DNAH17: variants seen among roughly 807,000 people sequenced by gnomAD.
DNAH17 encodes dynein axonemal heavy chain 17.
A neutral mutation model predicts 485.6 loss-of-function variants in DNAH17; 376 were observed. The observed-to-expected ratio is 0.77, with a 90% confidence interval of 0.71 to 0.84. The LOEUF (loss-of-function observed/expected upper bound fraction) is 0.84, where lower values mean the gene tolerates loss of function less well. Ranked by LOEUF, DNAH17 falls within the 40% of genes least tolerant of loss-of-function variation. The probability of loss-of-function intolerance (pLI) is 0.00; values close to 1 mark genes in which losing one functional copy is unlikely to be tolerated. For synonymous variants in DNAH17, 3,031 were observed against 2,405.9 expected, an observed-to-expected ratio of 1.26 and a Z score of -7.60; for missense variants, 6,370 against 5,839.3, an observed-to-expected ratio of 1.09 and a Z score of -2.96.
At chr17:78,485,056 T>G (rs770609667) in intron 47 of DNAH17, 23 bp from the exon 48 acceptor site, 3 of 1,576,042 alleles carry the variant, frequency 1.9e-6, no homozygotes, top group Non-Finnish European at 2.6e-6. Flanking sequence ...GAGGGTCAGC[T>G]GCCCGCCTGC....
Position 78,525,077 on chromosome 17 carries a change from A to G in DNAH17, c.3796T>C (p.Tyr1266His), listed in dbSNP as rs756507301. The change falls in exon 25 of 81, where the codon TAC becomes CAC. Residue 1266 changes from tyrosine to histidine, a missense_variant. Tyr to His is a moderately conservative substitution (Grantham distance 83). Coordinates refer to ENST00000389840, the MANE Select transcript of DNAH17 (RefSeq NM_173628.4). ...GGLFEVPVPDYKQLKACHREV... is the reference protein window; with the variant it reads ...GGLFEVPVPDHKQLKACHREV... ...CGGTGGCAGGCCTTGAGCTGCTTGT[A>G]GTCTGGGACGGGGACCTCGAACAGG... is the stretch of plus-strand genomic sequence containing the variant. 6.2e-7 allele frequency: 1 copy of G among 1,613,876 alleles called. No homozygotes were observed. Among genetic ancestry groups the G allele is most frequent in the Non-Finnish European group, 8.5e-7 (1 of 1,179,880 alleles).
intron 37 of DNAH17, chr17:78,496,784 G>A (rs2090090296): frequency 6.7e-6 from 1 of 148,776 alleles, no homozygotes; most frequent in African/African-American, 2.5e-5. Context: ...CCATTCTCCT[G>A]CCTCAGCCTC....
intron 44 of DNAH17, among the ~76,000 whole-genome samples, chr17:78,487,435 T>C (rs2089660778): frequency 6.6e-6 from 1 of 152,168 alleles, no homozygotes; most frequent in South Asian, 2.1e-4. Context: ...AGCACGTGCA[T>C]CATTTCCAGG....
chr17:78,559,167 A>G (rs1204610944), intron 13 of DNAH17, among the ~76,000 whole-genome samples: 1 of 152,208 alleles, frequency 6.6e-6, no homozygotes. Context: ...TGAGATGTCC[A>G]GTGTTGTGGC....
At chr17:78,571,861 T>C (rs1207870211) in intron 3 of DNAH17, 79 bp from the exon 4 acceptor site, 1 of 1,383,018 alleles carries the variant, frequency 7.2e-7, no homozygotes, top group African/African-American at 1.4e-5. Context: ...TGAATCCTTC[T>C]GCCCACCAAT....
intron 76 of DNAH17, 101 bp downstream of exon 76, chr17:78,429,020 G>A (rs989272673): frequency 1.9e-5 from 26 of 1,343,198 alleles, no homozygotes; most frequent in East Asian, 7.0e-5. Flanking sequence ...GGCTGCCTGG[G>A]TTCTTGCTCA....
At chr17:78,426,326 G>A (rs564232451) in intron 79 of DNAH17, 131 bp downstream of exon 79, 2 of 1,172,030 alleles carry the variant, frequency 1.7e-6, no homozygotes, top group East Asian at 2.8e-5. Context: ...TTCTGGCCCT[G>A]ATCTGACAGA....
chr17:78,435,030 C>T (rs1315551995), intron 74 of DNAH17, among the ~76,000 whole-genome samples: 1 of 152,214 alleles, frequency 6.6e-6, no homozygotes, highest in South Asian at 2.1e-4. Flanking sequence ...GCACAGGCCC[C>T]TCTGGCAACA....
chr17:78,535,113 C>T (rs2091340939), intron 19 of DNAH17, among the ~76,000 whole-genome samples: 1 of 152,166 alleles, frequency 6.6e-6, no homozygotes, highest in Non-Finnish European at 1.5e-5. Context: ...AGGGTGTCTG[C>T]AAGGCAGCCT....
At chr17:78,524,907 C>T in intron 25 of DNAH17, 102 bp downstream of exon 25, 2 of 1,477,072 alleles carry the variant, frequency 1.4e-6, no homozygotes, top group Non-Finnish European at 1.8e-6. Flanking sequence ...CTTCTTGTCA[C>T]ATTCTTACAA....
chr17:78,496,666 C>CTTTTTTTTTTT (rs539881163), intron 37 of DNAH17: 1 of 98,172 alleles, frequency 1.0e-5, no homozygotes. Context: ...CCCAGATGGA[C>CTTTTTTTTTTT]TTTTTTTTTT....
At chr17:78,466,628 C>A in intron 56 of DNAH17, 27 bp downstream of exon 56, 1 of 1,587,584 alleles carries the variant, frequency 6.3e-7, no homozygotes, top group South Asian at 1.1e-5. Flanking sequence ...GCTCTACACT[C>A]AGGCAGAGGT....
intron 72 of DNAH17, among the ~76,000 whole-genome samples, chr17:78,440,117 T>C (rs1431481424): frequency 6.6e-6 from 1 of 152,008 alleles, no homozygotes; most frequent in Non-Finnish European, 1.5e-5. Context: ...AAATTATCTG[T>C]AGAGACAAGC....
chr17:78,489,897 C>G (rs2089775755), intron 44 of DNAH17: 1 of 151,966 alleles, frequency 6.6e-6, no homozygotes, highest in Admixed American at 6.5e-5. Context: ...TGACCTCCAG[C>G]CAAGACGCTC....
chr17:78,429,096 C>T, intron 76 of DNAH17, 25 bp downstream of exon 76: 2 of 1,606,392 alleles, frequency 1.2e-6, no homozygotes, highest in Non-Finnish European at 1.7e-6. Flanking sequence ...TTACGTTGAG[C>T]TCCTGTTTAA....
In DNAH17 at chr17:78,474,986, C is replaced by CTCTTCACCTCA. The variant is rs1334129401; in HGVS notation, c.8511+291_8511+292insTGAGGTGAAGA. Among the ~76,000 whole-genome samples the CTCTTCACCTCA allele has an allele frequency of 2.3e-3, 328 of 143,010 alleles. 49 individuals are homozygous for CTCTTCACCTCA. The highest frequency in any genetic ancestry group is 6.9e-3 in the Middle Eastern group (2 of 290). The allele number at this position is 143,010 out of a possible 152,430, so 93.8% of individuals were successfully genotyped here. A position where few individuals can be genotyped will look rare whatever the true frequency, so the allele number is the denominator to read the frequency against. On this transcript the variant is annotated intron_variant, in intron 54 of 80. Coordinates refer to ENST00000389840, the MANE Select transcript of DNAH17 (RefSeq NM_173628.4). ...GTCACATGGGCTGGAAGGTTTCACA[C>CTCTTCACCTCA]GCTTCACCTCAGTCACATGGACATG...
chr17:78,543,284 TTTG>T (rs200055422), intron 17 of DNAH17, among the ~76,000 whole-genome samples: 3 of 57,524 alleles, frequency 5.2e-5, no homozygotes, highest in Admixed American at 3.5e-4. Flanking sequence ...CCGGTTAATT[TTTG>T]TTTTTTTTTT....
intron 24 of DNAH17, among the ~76,000 whole-genome samples, chr17:78,526,251 G>C (rs976015502): frequency 6.6e-6 from 1 of 152,236 alleles, no homozygotes. Context: ...GGAGAGGCAG[G>C]AGGCAGGGAG....
rs941540074 is a variant in DNAH17 at position 78,459,984 on chromosome 17, C to A, written c.9453G>T (p.Leu3151=). The A allele has an allele frequency of 1.2e-6, 2 of 1,612,786 alleles. No individual in the cohort carries two copies. The highest frequency in any genetic ancestry group is 1.7e-6 in the Non-Finnish European group (2 of 1,179,904). Residue 3151 remains leucine (L), a synonymous_variant, in exon 60 of 81, where the codon CTG becomes CTT. Transcript: ENST00000389840. Reference sequence around the variant, plus strand: ...CATCCGGCGGGGACCCAAAGGACTTCAGCTCTGTCAGGTTGTTCTGCAAAT... The same window carrying A: ...CATCCGGCGGGGACCCAAAGGACTTAAGCTCTGTCAGGTTGTTCTGCAAAT... ...DTLNKNNLTE[L]KSFGSPPDAV...
Sources: allele counts gnomAD v4.1 joint callset (sites outside exome capture counted in the v4.1 genomes callset), GRCh38; gene constraint gnomAD v4.1.1; transcripts MANE v1.5; gene names NCBI Gene and HGNC (gene_info 2026-07-23, HGNC 2026-07-21).